NPHP1: variants seen among roughly 807,000 people sequenced by gnomAD.
NPHP1 encodes the protein nephrocystin 1, also known as nephrocystin-1.
A neutral mutation model predicts 90.4 loss-of-function variants in NPHP1; 70 were observed. That is an observed-to-expected ratio of 0.77 (90% CI 0.64 to 0.95). The LOEUF is 0.95. Among genes scored for constraint, NPHP1 ranks in the 40% least tolerant of loss-of-function variants. The pLI, the probability that NPHP1 is intolerant of heterozygous loss-of-function variation, is 0.00. For missense variants in NPHP1, 764 were observed against 795.9 expected, an observed-to-expected ratio of 0.96 and a Z score of 0.48; for synonymous variants, 256 against 271.7, an observed-to-expected ratio of 0.94 and a Z score of 0.57.
At chr2:110,157,338 A>G (rs1681981076) in intron 11 of NPHP1, among the ~76,000 whole-genome samples, 1 of 152,122 alleles carries the variant, frequency 6.6e-6, no homozygotes, top group South Asian at 2.1e-4. Flanking sequence ...AAACCAATTC[A>G]GCTCTTGGTC....
chr2:110,128,964 T>C (rs912191688), intron 18 of NPHP1: 4 of 585,306 alleles, frequency 6.8e-6, no homozygotes, highest in Non-Finnish European at 6.2e-6. Flanking sequence ...TGCAATAGTG[T>C]ACATAGCAGG....
In NPHP1 at chr2:110,169,810, A is replaced by G; in HGVS notation, c.518T>C (p.Phe173Ser). The change falls in exon 5 of 20, where the codon TTT becomes TCT. Residue 173 changes from phenylalanine (F) to serine (S), a missense_variant. Phe to Ser is a radical substitution (Grantham distance 155). Transcript: ENST00000445609. The part of the protein sequence containing the change: ...FTAQQVGDLT[F>S]KKGEILLVIE... ...TTTCAGTCTTATTCTACCTACCTTA[A>G]ATGTAAGATCTCCAACTTGCTGAGC... 6.2e-7 allele frequency: 1 copy of G among 1,609,612 alleles called. No individual in the cohort carries two copies.
chr2:110,177,020 T>G (rs1683553445), intron 4 of NPHP1, among the ~76,000 whole-genome samples: 2 of 152,188 alleles, frequency 1.3e-5, no homozygotes, highest in Non-Finnish European at 2.9e-5. Flanking sequence ...GTGTGATCTC[T>G]GTCTCCTCAG....
intron 2 of NPHP1, among the ~76,000 whole-genome samples, chr2:110,186,638 T>C (rs768651862): frequency 6.6e-6 from 1 of 152,070 alleles, no homozygotes; most frequent in Non-Finnish European, 1.5e-5. Context: ...CCCCATGCTG[T>C]CCTATGACCA....
At chr2:110,167,300 G>A (rs1262039003) in intron 6 of NPHP1, among the ~76,000 whole-genome samples, 1 of 152,042 alleles carries the variant, frequency 6.6e-6, no homozygotes, top group Non-Finnish European at 1.5e-5. Flanking sequence ...GAAGGGGACA[G>A]GTTACCAGAA....
At chr2:110,172,409 T>C (rs1473742790) in intron 4 of NPHP1, among the ~76,000 whole-genome samples, 1 of 152,164 alleles carries the variant, frequency 6.6e-6, no homozygotes, top group Non-Finnish European at 1.5e-5. Flanking sequence ...CTTGGGTTTG[T>C]TGTCCTTTTT....
At chr2:110,197,371 G>A (rs1368365427) in intron 2 of NPHP1, among the ~76,000 whole-genome samples, 1 of 151,896 alleles carries the variant, frequency 6.6e-6, no homozygotes, top group African/African-American at 2.4e-5. Context: ...AAAAGAGAAG[G>A]GGAAACATCA....
intron 2 of NPHP1, chr2:110,184,592 C>A: frequency 8.2e-7 from 1 of 1,220,020 alleles, no homozygotes. Flanking sequence ...TGCCCCACTC[C>A]ATCATGCGAA....
chr2:110,201,396 G>A, intron 2 of NPHP1, 25 bp downstream of exon 2: 3 of 1,454,542 alleles, frequency 2.1e-6, no homozygotes, highest in Non-Finnish European at 2.9e-6. Flanking sequence ...TTCCTGTAAA[G>A]CTTATATAAT....
chr2:110,151,933 A>C (rs1375482536), intron 11 of NPHP1, among the ~76,000 whole-genome samples: 1 of 152,132 alleles, frequency 6.6e-6, no homozygotes, highest in East Asian at 1.9e-4. Context: ...TGGAATCAAG[A>C]GTAACTTCTT....
chr2:110,175,780 T>C (rs936364202), intron 4 of NPHP1, among the ~76,000 whole-genome samples: 1 of 149,286 alleles, frequency 6.7e-6, no homozygotes, highest in African/African-American at 2.6e-5. Context: ...AGTCACTATC[T>C]CTTTAAATAT....
intron 14 of NPHP1, among the ~76,000 whole-genome samples, chr2:110,145,323 C>T (rs766862953): frequency 6.6e-6 from 1 of 152,148 alleles, no homozygotes; most frequent in Non-Finnish European, 1.5e-5. Context: ...CAGAATCTCG[C>T]TCTGTCACCC....
At chr2:110,145,269 T>C (rs904707796) in intron 14 of NPHP1, among the ~76,000 whole-genome samples, 3 of 152,164 alleles carry the variant, frequency 2.0e-5, no homozygotes, top group Admixed American at 1.3e-4. Flanking sequence ...CAGAGGCAAC[T>C]TCTGGGAACA....
intron 12 of NPHP1, among the ~76,000 whole-genome samples, chr2:110,148,515 T>TAGCTACA (rs1681233211): frequency 1.3e-5 from 2 of 152,160 alleles, no homozygotes; most frequent in African/African-American, 4.8e-5. Context: ...TAGTAAATAG[T>TAGCTACA]TTATGCCTTT....
chr2:110,197,492 C>A (rs1263769361), intron 2 of NPHP1, among the ~76,000 whole-genome samples: 1 of 152,004 alleles, frequency 6.6e-6, no homozygotes, highest in African/African-American at 2.4e-5. Flanking sequence ...CCACTGCAGG[C>A]AGGGTGAGCA....
At chr2:110,176,111 T>C (rs923337741) in intron 4 of NPHP1, among the ~76,000 whole-genome samples, 22 of 152,208 alleles carry the variant, frequency 1.4e-4, no homozygotes, top group African/African-American at 5.3e-4. Context: ...TCTTTTCCTA[T>C]AAATTATTTA....
At chr2:110,125,563 A>C in intron 19 of NPHP1, 74 bp downstream of exon 19, 1 of 1,392,556 alleles carries the variant, frequency 7.2e-7, no homozygotes. Context: ...GCTAAAAAAG[A>C]GACATGATTA....
At chr2:110,199,528 G>C (rs1263897167) in intron 2 of NPHP1, among the ~76,000 whole-genome samples, 1 of 151,986 alleles carries the variant, frequency 6.6e-6, no homozygotes, top group Admixed American at 6.6e-5. Flanking sequence ...TGGCGGGGGA[G>C]GGGGGCATCC....
chr2:110,146,962 A>C lies in NPHP1; in HGVS notation c.1270-127T>G. The stretch of plus-strand genomic sequence containing the variant: ...AGAACTAAAAAGTTCTTCACAAGAA[A>C]ATAAAATGAAACACAGTAGAATCTC... On this transcript the variant is annotated intron_variant, in intron 13 of 19. Transcript: ENST00000445609. 4.2e-6 allele frequency: 3 copies of C among 709,342 alleles called. No homozygotes were observed. The South Asian group carries it at 4.8e-5, about 11-fold the overall frequency. 43.9% of individuals were successfully genotyped at this position (709,342 alleles called of 1,614,324 possible). A position where few individuals can be genotyped will look rare whatever the true frequency, so the allele number is the denominator to read the frequency against.
Sources: allele counts gnomAD v4.1 joint callset (sites outside exome capture counted in the v4.1 genomes callset), GRCh38; gene constraint gnomAD v4.1.1; transcripts MANE v1.5; gene names NCBI Gene and HGNC (gene_info 2026-07-23, HGNC 2026-07-21).